KCNK17: variants seen among roughly 807,000 people sequenced by gnomAD.
The protein encoded by KCNK17 is potassium two pore domain channel subfamily K member 17, also known as potassium channel subfamily K member 17.
A neutral mutation model predicts 24.6 loss-of-function variants in KCNK17; 27 were observed. The observed-to-expected ratio is 1.10, with a 90% confidence interval of 0.81 to 1.51. The LOEUF (loss-of-function observed/expected upper bound fraction) is 1.51, where lower values mean the gene tolerates loss of function less well. KCNK17 is among the 40% of genes most tolerant of loss of function. KCNK17 has a pLI of 0.00. For missense variants in KCNK17, 450 were observed against 436.6 expected, an observed-to-expected ratio of 1.03 and a Z score of -0.27; for synonymous variants, 181 against 189.8, an observed-to-expected ratio of 0.95 and a Z score of 0.38.
Position 39,310,889 on chromosome 6 carries a change from T to G in KCNK17, c.352+4A>C. The G allele has an allele frequency of 6.0e-6, 7 of 1,162,698 alleles. No homozygotes were observed. Among genetic ancestry groups the G allele is most frequent in the Non-Finnish European group, 8.6e-6 (7 of 810,224 alleles). The allele number at this position is 1,162,698 out of a possible 1,614,324, so 72.0% of individuals were successfully genotyped here. ...CCATCCCCCTGGCCCCATCTGGCCC[T>G]TACCAATGGTGGTGATGGTGGACAC... On this transcript the variant is annotated splice_donor_region_variant and intron_variant, in intron 2 of 4. Transcript: ENST00000373231.
intron 4 of KCNK17, chr6:39,300,300 T>G (rs527736069): frequency 1.6e-6 from 1 of 637,994 alleles, no homozygotes; most frequent in African/African-American, 1.8e-5. Context: ...TTTTTTGTAT[T>G]TTAGTAGAGA....
rs189253012 is a variant in KCNK17, at chr6:39,309,774, G to A, written c.352+1119C>T. Reference sequence around the variant, plus strand: ...CATATTTAATGGAATTCCTTAACGTGGCAGTATTTATTGAGTGGCTGCTGT... The same window carrying A: ...CATATTTAATGGAATTCCTTAACGTAGCAGTATTTATTGAGTGGCTGCTGT... On this transcript the variant is annotated intron_variant, in intron 2 of 4. Transcript: ENST00000373231. 6.6e-5 allele frequency among the ~76,000 whole-genome samples: 10 copies of A among 152,304 alleles called. No individual in the cohort carries two copies. The East Asian group carries it at 1.5e-3, about 23-fold the overall frequency.
chr6:39,309,310 C>T (rs909639913), intron 2 of KCNK17, among the ~76,000 whole-genome samples: 5 of 152,136 alleles, frequency 3.3e-5, no homozygotes, highest in African/African-American at 7.2e-5. Context: ...GGTGACACAG[C>T]GAGACTCCGT....
chr6:39,312,883 A>C (rs1190666210), intron 1 of KCNK17, among the ~76,000 whole-genome samples: 1 of 152,162 alleles, frequency 6.6e-6, no homozygotes, highest in Non-Finnish European at 1.5e-5. Flanking sequence ...TTAGGTCCTT[A>C]GTAGAGATAG....
chr6:39,303,864 T>G lies in KCNK17; in HGVS notation c.688+93A>C, dbSNP rs539447131. 3.3e-5 allele frequency: 46 copies of G among 1,395,884 alleles called. No homozygotes were observed. In the African/African-American group the frequency reaches 5.5e-4, roughly 17 times the overall value. The allele number at this position is 1,395,884 out of a possible 1,614,324, so 86.5% of individuals were successfully genotyped here. On this transcript the variant is annotated intron_variant, in intron 4 of 4. Transcript: ENST00000373231. Reference sequence around the variant, plus strand: ...TGGGCCCAAAAGCCCCCACATGGCGTGCACACAGCAGGTGCGCCAGCTGCG... The same window carrying G: ...TGGGCCCAAAAGCCCCCACATGGCGGGCACACAGCAGGTGCGCCAGCTGCG...
rs946191112 is a variant in KCNK17 at position 39,314,400 on chromosome 6, A to G, written c.-80T>C. On this transcript the variant is annotated 5_prime_UTR_variant, in exon 1 of 5. Transcript: ENST00000373231. ...GGGAAGGGCCAGGCGTCCAGCTCGT[A>G]TCTCCTCTCGCAAACGCCTGCTGGT... The G allele has an allele frequency of 2.4e-5, 25 of 1,059,228 alleles. No homozygotes were observed. The East Asian group carries it at 5.1e-4, about 22-fold the overall frequency. The allele number at this position is 1,059,228 out of a possible 1,614,324, so 65.6% of individuals were successfully genotyped here. A position where few individuals can be genotyped will look rare whatever the true frequency, so the allele number is the denominator to read the frequency against.
At chr6:39,300,194 C>T (rs1761927067) in intron 4 of KCNK17, among the ~76,000 whole-genome samples, 1 of 152,214 alleles carries the variant, frequency 6.6e-6, no homozygotes, top group Non-Finnish European at 1.5e-5. Flanking sequence ...GTGATCTCGG[C>T]TCACTGCAAC....
chr6:39,309,196 T>C (rs1252238348), intron 2 of KCNK17, among the ~76,000 whole-genome samples: 2 of 152,200 alleles, frequency 1.3e-5, no homozygotes, highest in Non-Finnish European at 2.9e-5. Flanking sequence ...TGTTGGCAAG[T>C]GCCTGTAGTC....
Position 39,299,644 on chromosome 6 carries a change from T to C in KCNK17, c.782A>G (p.Lys261Arg). ...CGTCTCCAGCTGGGAGAGGATGAGT[T>C]TGATGATCAAGGCCAGCCATGCCAT... is the stretch of plus-strand genomic sequence containing the variant. ...FGMAWLALII[K>R]LILSQLETPG... The change falls in exon 5 of 5, where the codon AAA becomes AGA. Residue 261 changes from lysine to arginine, a missense_variant. Coordinates refer to ENST00000373231, the MANE Select transcript of KCNK17 (RefSeq NM_031460.4). 1 of 1,614,064 alleles carries C rather than the reference T, an allele frequency of 6.2e-7. No homozygotes were observed. The highest frequency in any genetic ancestry group is 2.2e-5 in the East Asian group (1 of 44,872).
chr6:39,303,041 C>T (rs1487730198), intron 4 of KCNK17, among the ~76,000 whole-genome samples: 2 of 152,218 alleles, frequency 1.3e-5, no homozygotes, highest in African/African-American at 4.8e-5. Context: ...ACTAGCTGTG[C>T]AGTCTCAGGC....
rs964281268 is a variant in KCNK17 at position 39,299,047 on chromosome 6, C to T, written c.*380G>A. 6 of 204,698 alleles carry T rather than the reference C, an allele frequency of 2.9e-5. No individual in the cohort carries two copies. Among genetic ancestry groups the T allele is most frequent in the East Asian group, 2.3e-4 (2 of 8,714 alleles). The allele number at this position is 204,698 out of a possible 1,614,324, so 12.7% of individuals were successfully genotyped here. Reference sequence around the variant, plus strand: ...TATTTCTCTCTCACATAAAGGAGGTCGGGTGATATTCCGTTTGTTAGGATG... The same window carrying T: ...TATTTCTCTCTCACATAAAGGAGGTTGGGTGATATTCCGTTTGTTAGGATG... On this transcript the variant is annotated 3_prime_UTR_variant, in exon 5 of 5. Coordinates refer to ENST00000373231, the MANE Select transcript of KCNK17 (RefSeq NM_031460.4).
chr6:39,306,941 TTTAG>T (rs1762048670), intron 2 of KCNK17, among the ~76,000 whole-genome samples: 1 of 152,038 alleles, frequency 6.6e-6, no homozygotes, highest in Non-Finnish European at 1.5e-5. Flanking sequence ...ATTTTGCATT[TTTAG>T]TAAAGATGGG....
chr6:39,306,339 C>T (rs1438813553), intron 2 of KCNK17, among the ~76,000 whole-genome samples: 4 of 152,176 alleles, frequency 2.6e-5, no homozygotes, highest in Non-Finnish European at 5.9e-5. Flanking sequence ...CCACCGCACC[C>T]GGCCTGGGAC....
At chr6:39,313,038 G>A (rs1172444336) in intron 1 of KCNK17, among the ~76,000 whole-genome samples, 1 of 152,176 alleles carries the variant, frequency 6.6e-6, no homozygotes, top group Admixed American at 6.5e-5. Flanking sequence ...TGGAGACTCT[G>A]GACGGATAAG....
intron 4 of KCNK17, among the ~76,000 whole-genome samples, chr6:39,300,935 T>C (rs1400154429): frequency 6.6e-6 from 1 of 152,194 alleles, no homozygotes; most frequent in Non-Finnish European, 1.5e-5. Flanking sequence ...CCTATGTGTG[T>C]CTGCTGGGAA....
intron 4 of KCNK17, among the ~76,000 whole-genome samples, chr6:39,301,047 C>A (rs996550547): frequency 6.6e-6 from 1 of 152,150 alleles, no homozygotes; most frequent in Non-Finnish European, 1.5e-5. Flanking sequence ...CAGAATGGTG[C>A]CTGGTACATA....
intron 3 of KCNK17, 31 bp downstream of exon 3, chr6:39,304,464 C>T: frequency 1.3e-6 from 2 of 1,588,414 alleles, no homozygotes; most frequent in South Asian, 2.2e-5. Flanking sequence ...TAGAAGTGAC[C>T]CATCCCCACC....
At position 39,299,584 on chromosome 6, in the gene KCNK17, G is replaced by A. The variant is rs754737375; in HGVS notation, c.842C>T (p.Ser281Phe). The A allele has an allele frequency of 5.6e-6, 9 of 1,614,046 alleles. No homozygotes were observed. Among genetic ancestry groups the A allele is most frequent in the Non-Finnish European group, 7.6e-6 (9 of 1,180,040 alleles). The part of the protein sequence containing the change: ...GRVCSCCHHS[S>F]KEDFKSQSWR... ...GCTTTGGGACTTGAAGTCTTCCTTA[G>A]AGCTGTGGTGGCAGCAGGAACATAC... Residue 281 changes from serine to phenylalanine, a missense_variant, in exon 5 of 5, where the codon TCT becomes TTT. Physicochemically the swap from Ser to Phe is radical, Grantham distance 155. Coordinates refer to ENST00000373231, the MANE Select transcript of KCNK17 (RefSeq NM_031460.4).
intron 3 of KCNK17, 50 bp from the exon 4 acceptor site, chr6:39,304,181 G>T: frequency 2.6e-6 from 4 of 1,562,072 alleles, no homozygotes; most frequent in Non-Finnish European, 3.5e-6. Context: ...CACCCCATGC[G>T]TGGGAGCCGA....
Sources: gnomAD v4.1 joint callset for allele counts (sites outside exome capture counted in the v4.1 genomes callset) on GRCh38, gnomAD v4.1.1 for gene constraint, MANE v1.5 for transcripts, NCBI Gene and HGNC (gene_info 2026-07-23, HGNC 2026-07-21) for gene names.